The following TCF4 variants were observed in gnomAD, a reference collection of about 807,000 sequenced individuals.
The protein encoded by TCF4 is transcription factor 4.
In TCF4, 3 loss-of-function variants were observed where a neutral mutation model predicts 82.1. The observed-to-expected ratio is 0.04, with a 90% CI of 0.02 to 0.09. TCF4 has a LOEUF of 0.09. TCF4 is among the 10% of genes least tolerant of loss of function. The pLI is 1.00. For missense variants in TCF4, 518 were observed against 852.7 expected (o/e 0.61, Z 4.89); for synonymous variants, 276 against 309.6 (o/e 0.89, Z 1.14).
At chr18:55,359,448 A>G (rs1289675694) in intron 6 of TCF4, among the ~76,000 whole-genome samples, 2 of 152,180 alleles carry the variant, frequency 1.3e-5, no homozygotes, top group Non-Finnish European at 2.9e-5. Context: ...TGGGATCCTC[A>G]AGCGCAGAAA....
At chr18:55,544,238 G>T (rs2097187047) in intron 3 of TCF4, among the ~76,000 whole-genome samples, 1 of 152,132 alleles carries the variant, frequency 6.6e-6, no homozygotes, top group African/African-American at 2.4e-5. Context: ...TTCCTCAATT[G>T]TAAAATGATA....
intron 3 of TCF4, among the ~76,000 whole-genome samples, chr18:55,507,719 A>G (rs2096778745): frequency 6.6e-6 from 1 of 152,198 alleles, no homozygotes; most frequent in Admixed American, 6.5e-5. Flanking sequence ...AGAGGGAACC[A>G]CTGAATTCTA....
Position 55,538,510 on chromosome 18 carries a change from C to T in TCF4, c.145+46770G>A, listed in dbSNP as rs564730502. ...TAGTTGGGGCCTGAGCCAGAAGACT[C>T]CACAGCAGGAAAGTTTTTAAAGGAT... is the stretch of plus-strand genomic sequence containing the variant. On this transcript the variant is annotated intron_variant, in intron 3 of 19. Coordinates refer to ENST00000354452, the MANE Select transcript of TCF4 (RefSeq NM_001083962.2). 1.1e-4 allele frequency among the ~76,000 whole-genome samples: 16 copies of T among 152,256 alleles called. 1 individual carries two copies. In the South Asian group the frequency reaches 2.7e-3, roughly 26 times the overall value.
At chr18:55,533,235 G>A (rs1478578822) in intron 3 of TCF4, among the ~76,000 whole-genome samples, 2 of 152,062 alleles carry the variant, frequency 1.3e-5, no homozygotes, top group African/African-American at 2.4e-5. Flanking sequence ...ATGGCTGCAG[G>A]GCATGCAACC....
At chr18:55,356,278 A>C (rs145709348) in intron 6 of TCF4, among the ~76,000 whole-genome samples, 260 of 152,324 alleles carry the variant, frequency 1.7e-3, no homozygotes, top group Non-Finnish European at 3.0e-3. Context: ...AATTTGGAAA[A>C]GTTACTATAA....
intron 8 of TCF4, among the ~76,000 whole-genome samples, chr18:55,299,443 T>C (rs1043562237): frequency 7.4e-5 from 11 of 149,592 alleles, no homozygotes; most frequent in African/African-American, 2.7e-4. Flanking sequence ...TGGGGGAGCA[T>C]GTTTCTGCTT....
At chr18:55,248,591 T>G (rs2054033055) in intron 15 of TCF4, among the ~76,000 whole-genome samples, 1 of 152,248 alleles carries the variant, frequency 6.6e-6, no homozygotes, top group African/African-American at 2.4e-5. Context: ...TACAGAGTTT[T>G]CTTGGATTTC....
intron 5 of TCF4, among the ~76,000 whole-genome samples, chr18:55,425,453 A>G (rs2094938873): frequency 6.6e-6 from 1 of 151,256 alleles, no homozygotes; most frequent in Non-Finnish European, 1.5e-5. Context: ...TCCATTCCCC[A>G]ATGGATCCTA....
intron 8 of TCF4, among the ~76,000 whole-genome samples, chr18:55,311,731 A>G (rs1388344195): frequency 6.6e-6 from 1 of 152,206 alleles, no homozygotes; most frequent in African/African-American, 2.4e-5. Flanking sequence ...AACTTTTAGA[A>G]CCAACTCTAT....
intron 8 of TCF4, among the ~76,000 whole-genome samples, chr18:55,303,172 G>C (rs568414968): frequency 6.6e-6 from 1 of 151,668 alleles, no homozygotes; most frequent in East Asian, 1.9e-4. Flanking sequence ...TTGCAAGTGG[G>C]AGAGGAAAGA....
At chr18:55,471,084 G>A (rs1023830654) in intron 3 of TCF4, among the ~76,000 whole-genome samples, 1 of 152,112 alleles carries the variant, frequency 6.6e-6, no homozygotes, top group Non-Finnish European at 1.5e-5. Flanking sequence ...TGAATTTAGA[G>A]TTCAAAATAT....
At chr18:55,277,894 C>T (rs1397494084) in intron 9 of TCF4, among the ~76,000 whole-genome samples, 1 of 152,176 alleles carries the variant, frequency 6.6e-6, no homozygotes, top group Non-Finnish European at 1.5e-5. Flanking sequence ...GGGACTGATG[C>T]TGAGGTAGCT....
At position 55,461,135 on chromosome 18, in the gene TCF4, G is replaced by GT; in HGVS notation, c.208-21dup. ...ATAGTTCTGTAAATAAAATGACAGT[G>GT]TAAGTTATTATTTTATATTAATAAA... On this transcript the variant is annotated intron_variant, in intron 4 of 19. Transcript: ENST00000354452. 6.3e-7 allele frequency: 1 copy of GT among 1,582,804 alleles called. No individual in the cohort carries two copies. Among genetic ancestry groups the GT allele is most frequent in the Non-Finnish European group, 8.7e-7 (1 of 1,154,518 alleles).
intron 6 of TCF4, among the ~76,000 whole-genome samples, chr18:55,386,728 G>A (rs916896808): frequency 6.6e-6 from 1 of 152,208 alleles, no homozygotes; most frequent in Non-Finnish European, 1.5e-5. Flanking sequence ...GCAGAGATAA[G>A]AGCAGCTCCC....
rs2096522176 is a variant in TCF4, at chr18:55,486,773, AGAGT to A, written c.146-22640_146-22637del. On this transcript the variant is annotated intron_variant, in intron 3 of 19. Transcript: ENST00000354452. Reference sequence around the variant, plus strand: ...ATCAAGACCAGTCTTATTTCACTGAAGAGTGAGTCTAACAAAGTCATGAAAGGTA... The same window carrying A: ...ATCAAGACCAGTCTTATTTCACTGAAGAGTCTAACAAAGTCATGAAAGGTA... Among the ~76,000 whole-genome samples the A allele has an allele frequency of 1.6e-4, 25 of 152,330 alleles. No homozygotes were observed. In the South Asian group the frequency reaches 5.0e-3, roughly 30 times the overall value.
At chr18:55,370,391 T>C (rs1249776455) in intron 6 of TCF4, among the ~76,000 whole-genome samples, 1 of 151,322 alleles carries the variant, frequency 6.6e-6, no homozygotes, top group South Asian at 2.1e-4. Context: ...GCTCAGTACA[T>C]AGGTAGGTAG....
chr18:55,443,326 A>G (rs944025310), intron 5 of TCF4, among the ~76,000 whole-genome samples: 4 of 152,310 alleles, frequency 2.6e-5, no homozygotes, highest in South Asian at 2.1e-4. Flanking sequence ...AAAATTTGCC[A>G]TGAGTCTAAT....
Position 55,223,774 on chromosome 18 carries a change from A to G in TCF4, c.*4261T>C, listed in dbSNP as rs915639661. On this transcript the variant is annotated 3_prime_UTR_variant, in exon 20 of 20. Transcript: ENST00000354452. The stretch of plus-strand genomic sequence containing the variant: ...GCAGCTATGTGTACAGTCGCAAAAA[A>G]TTTCCCCGCTGCGACCTACAACTAA... 3 of 151,506 alleles carry G rather than the reference A, an allele frequency of 2.0e-5. No homozygotes were observed. The highest frequency in any genetic ancestry group is 2.9e-5 in the Non-Finnish European group (2 of 67,888). 9.4% of individuals were successfully genotyped at this position (151,506 alleles called of 1,614,324 possible). A position where few individuals can be genotyped will look rare whatever the true frequency, so the allele number is the denominator to read the frequency against.
intron 6 of TCF4, among the ~76,000 whole-genome samples, chr18:55,395,413 C>T (rs2093429402): frequency 6.6e-6 from 1 of 152,132 alleles, no homozygotes; most frequent in Non-Finnish European, 1.5e-5. Flanking sequence ...AAGTTAATCC[C>T]ATGATTCTGG....
Sources: allele counts gnomAD v4.1 joint callset (sites outside exome capture counted in the v4.1 genomes callset), GRCh38; gene constraint gnomAD v4.1.1; transcripts MANE v1.5; gene names NCBI Gene and HGNC (gene_info 2026-07-23, HGNC 2026-07-21).